Variants in MEF2C observed in about 807,000 individuals in gnomAD.
The protein encoded by MEF2C is myocyte-specific enhancer factor 2C.
In MEF2C, 6 loss-of-function variants were observed where a neutral mutation model predicts 50.5. That is an observed-to-expected ratio of 0.12 (90% confidence interval 0.07 to 0.23). The LOEUF is 0.23. Ranked by LOEUF, MEF2C falls within the 10% of genes least tolerant of loss-of-function variation. The pLI is 1.00. For missense variants in MEF2C, 276 were observed against 605.0 expected, an observed-to-expected ratio of 0.46 and a Z score of 5.70; for synonymous variants, 183 against 228.0, an observed-to-expected ratio of 0.80 and a Z score of 1.78.
chr5:88,848,642 C>A (rs1820159608), intron 1 of MEF2C, among the ~76,000 whole-genome samples: 1 of 152,076 alleles, frequency 6.6e-6, no homozygotes, highest in Non-Finnish European at 1.5e-5. Context: ...AATGGGCACA[C>A]TGATGAAAAT....
intron 3 of MEF2C, among the ~76,000 whole-genome samples, chr5:88,790,382 A>T (rs992674714): frequency 1.9e-4 from 29 of 152,196 alleles, no homozygotes; most frequent in African/African-American, 7.0e-4. Context: ...CCTGGTCAGA[A>T]ATAAAGGGAT....
At chr5:88,793,979 C>T (rs1004640432) in intron 3 of MEF2C, among the ~76,000 whole-genome samples, 2 of 152,114 alleles carry the variant, frequency 1.3e-5, no homozygotes, top group African/African-American at 2.4e-5. Context: ...TGAACTCATC[C>T]TTTTTTATGG....
intron 1 of MEF2C, among the ~76,000 whole-genome samples, chr5:88,861,943 A>G (rs1301991105): frequency 6.6e-6 from 1 of 152,204 alleles, no homozygotes; most frequent in Non-Finnish European, 1.5e-5. Context: ...ATTAGACCAA[A>G]GTTCTCAGTC....
At chr5:88,744,670 T>A (rs946151712) in intron 6 of MEF2C, among the ~76,000 whole-genome samples, 19 of 152,238 alleles carry the variant, frequency 1.2e-4, no homozygotes, top group Admixed American at 2.0e-4. Context: ...ACTGAAACCT[T>A]AGAAAAGTCA....
chr5:88,859,129 A>T (rs532061000), intron 1 of MEF2C, among the ~76,000 whole-genome samples: 2 of 152,346 alleles, frequency 1.3e-5, no homozygotes, highest in African/African-American at 4.8e-5. Context: ...TAAAATTGTT[A>T]TTAAGAGTGT....
At chr5:88,764,761 T>G (rs1779265679) in intron 3 of MEF2C, among the ~76,000 whole-genome samples, 1 of 121,818 alleles carries the variant, frequency 8.2e-6, no homozygotes, top group Non-Finnish European at 1.6e-5. Flanking sequence ...TGAGCCGAGA[T>G]CACACCACTG....
At chr5:88,803,845 A>C (rs1338111679) in intron 3 of MEF2C, among the ~76,000 whole-genome samples, 2 of 152,218 alleles carry the variant, frequency 1.3e-5, no homozygotes, top group African/African-American at 2.4e-5. Flanking sequence ...TGTTCCAGCC[A>C]AAACTGTATG....
intron 2 of MEF2C, among the ~76,000 whole-genome samples, chr5:88,808,120 G>T (rs1005015803): frequency 1.3e-5 from 2 of 152,120 alleles, no homozygotes; most frequent in African/African-American, 4.8e-5. Flanking sequence ...TTTTTGGAAT[G>T]AATAAAGAAA....
intron 3 of MEF2C, among the ~76,000 whole-genome samples, chr5:88,767,493 AC>A (rs1175495371): frequency 6.6e-6 from 1 of 152,242 alleles, no homozygotes; most frequent in Non-Finnish European, 1.5e-5. Flanking sequence ...AATACAGAGT[AC>A]AAAAAGTTAG....
chr5:88,751,948 G>A lies in MEF2C; in HGVS notation c.498C>T (p.Asn166=), dbSNP rs1426416036. ...VYSNPVSSLG[N]PNLLPLAHPS... ...GGTGAGCCAGTGGCAATAGGTTGGG[G>A]TTTCCCAGTGAGCTGACAGGGTTGC... is the stretch of plus-strand genomic sequence containing the variant. Residue 166 remains asparagine, a synonymous_variant, in exon 5 of 11, where the codon AAC becomes AAT. Transcript: ENST00000504921. The A allele has an allele frequency of 6.2e-7, 1 of 1,614,000 alleles. No homozygotes were observed.
chr5:88,865,506 A>G (rs1185439046), intron 1 of MEF2C, among the ~76,000 whole-genome samples: 4 of 152,210 alleles, frequency 2.6e-5, no homozygotes, highest in East Asian at 1.9e-4. Flanking sequence ...GCCAACAGCT[A>G]TAACTTCCTC....
intron 1 of MEF2C, among the ~76,000 whole-genome samples, chr5:88,901,225 C>T (rs1835621058): frequency 6.6e-6 from 1 of 150,920 alleles, no homozygotes; most frequent in African/African-American, 2.4e-5. Context: ...CCTACTGGCA[C>T]CAGGTATTAT....
At chr5:88,879,556 ATGTTT>A (rs1832176191) in intron 1 of MEF2C, among the ~76,000 whole-genome samples, 1 of 152,000 alleles carries the variant, frequency 6.6e-6, no homozygotes. Flanking sequence ...ACATGAGTGT[ATGTTT>A]TATTTCTGGC....
chr5:88,744,328 C>A (rs368014215), intron 6 of MEF2C, among the ~76,000 whole-genome samples: 2 of 152,126 alleles, frequency 1.3e-5, no homozygotes, highest in African/African-American at 2.4e-5. Flanking sequence ...CCGAGGTGGG[C>A]GGATTGCCTG....
intron 3 of MEF2C, among the ~76,000 whole-genome samples, chr5:88,781,692 C>T (rs1788125286): frequency 6.6e-6 from 1 of 152,196 alleles, no homozygotes; most frequent in Non-Finnish European, 1.5e-5. Context: ...CATGTCCTGG[C>T]TGGGTGTGGT....
intron 3 of MEF2C, among the ~76,000 whole-genome samples, chr5:88,790,960 A>G (rs987319171): frequency 6.6e-6 from 1 of 152,224 alleles, no homozygotes; most frequent in Non-Finnish European, 1.5e-5. Context: ...TAATGAAAAG[A>G]GCCATCATCT....
At chr5:88,738,744 T>C (rs1156753882) in intron 6 of MEF2C, 1 of 985,240 alleles carries the variant, frequency 1.0e-6, no homozygotes, top group Non-Finnish European at 1.2e-6. Flanking sequence ...CCAGAGGTGA[T>C]GTGCAAGTTT....
intron 1 of MEF2C, chr5:88,843,368 A>G (rs961691415): frequency 1.0e-6 from 1 of 985,216 alleles, no homozygotes; most frequent in Non-Finnish European, 1.2e-6. Flanking sequence ...AAAACCCTCA[A>G]AGGTGAACCA....
intron 1 of MEF2C, among the ~76,000 whole-genome samples, chr5:88,859,688 G>A (rs1285963498): frequency 1.3e-5 from 2 of 152,158 alleles, no homozygotes; most frequent in Non-Finnish European, 1.5e-5. Flanking sequence ...TGTACACATT[G>A]GGAAGTTGCG....
Sources: allele counts gnomAD v4.1 joint callset (sites outside exome capture counted in the v4.1 genomes callset), GRCh38; gene constraint gnomAD v4.1.1; transcripts MANE v1.5; gene names NCBI Gene and HGNC (gene_info 2026-07-23, HGNC 2026-07-21).